Variants in PRKCE observed in about 807,000 individuals in gnomAD.
PRKCE encodes protein kinase C epsilon type.
A neutral mutation model predicts 85.4 loss-of-function variants in PRKCE; 16 were observed. The ratio of observed to expected loss-of-function variants is 0.19; its 90% CI spans 0.13 to 0.28. The LOEUF is 0.28. PRKCE is among the 10% of genes least tolerant of loss of function. The probability of loss-of-function intolerance (pLI) is 1.00; values close to 1 mark genes in which losing one functional copy is unlikely to be tolerated. For synonymous variants in PRKCE, 388 were observed against 371.5 expected, an observed-to-expected ratio of 1.04 and a Z score of -0.51; for missense variants, 573 against 975.2, an observed-to-expected ratio of 0.59 and a Z score of 5.49.
At chr2:45,900,301 G>A (rs1273524292) in intron 2 of PRKCE, among the ~76,000 whole-genome samples, 1 of 152,128 alleles carries the variant, frequency 6.6e-6, no homozygotes, top group Non-Finnish European at 1.5e-5. Flanking sequence ...CTGATCAGAT[G>A]GATATTTATA....
chr2:45,732,042 TA>T (rs1681623322), intron 1 of PRKCE, among the ~76,000 whole-genome samples: 2 of 152,182 alleles, frequency 1.3e-5, no homozygotes, highest in African/African-American at 4.8e-5. Flanking sequence ...GTCTTTCCTG[TA>T]AGTTAAACCT....
intron 1 of PRKCE, among the ~76,000 whole-genome samples, chr2:45,826,766 C>A (rs1404561758): frequency 6.6e-6 from 1 of 152,220 alleles, no homozygotes; most frequent in Non-Finnish European, 1.5e-5. Flanking sequence ...GGCCAGAAGT[C>A]TCCATGCAAT....
intron 6 of PRKCE, among the ~76,000 whole-genome samples, chr2:45,988,037 C>T (rs927105067): frequency 6.6e-6 from 1 of 152,210 alleles, no homozygotes; most frequent in South Asian, 2.1e-4. Context: ...CTCTTGCACC[C>T]ATGCAGCCTG....
At chr2:46,085,591 C>CAGA (rs1669529052) in intron 10 of PRKCE, among the ~76,000 whole-genome samples, 1 of 115,550 alleles carries the variant, frequency 8.7e-6, no homozygotes, top group African/African-American at 3.4e-5. Context: ...GCCTCTGTGG[C>CAGA]CACTTGGCCT....
At chr2:45,684,665 C>T (rs576378651) in intron 1 of PRKCE, among the ~76,000 whole-genome samples, 4 of 152,180 alleles carry the variant, frequency 2.6e-5, no homozygotes, top group African/African-American at 4.8e-5. Context: ...TGCATCTGGG[C>T]GCCTAGTCAG....
At chr2:46,066,503 G>C (rs1020512067) in intron 10 of PRKCE, among the ~76,000 whole-genome samples, 2 of 152,186 alleles carry the variant, frequency 1.3e-5, no homozygotes, top group Non-Finnish European at 2.9e-5. Flanking sequence ...AGGAATCCTA[G>C]ACTTATATTC....
intron 1 of PRKCE, among the ~76,000 whole-genome samples, chr2:45,778,444 G>C (rs748694732): frequency 3.3e-5 from 5 of 152,048 alleles, no homozygotes; most frequent in African/African-American, 1.2e-4. Flanking sequence ...ACTACTTTTC[G>C]AGTGTGAAAG....
rs945355798 is a variant in PRKCE, at chr2:45,665,422, T to C, written c.348+12974T>C. 2.6e-5 allele frequency among the ~76,000 whole-genome samples: 4 copies of C among 152,202 alleles called. No homozygotes were observed. In the South Asian group the frequency reaches 6.2e-4, roughly 24 times the overall value. ...CAGTCATCTTTTGCAGTTTGTTGAG[T>C]TGCTGTGAGGATTAAATAAGATAGA... On this transcript the variant is annotated intron_variant, in intron 1 of 14. Transcript: ENST00000306156.
In PRKCE at chr2:46,156,458, C is replaced by T. The variant is rs144080755; in HGVS notation, c.1921-3148C>T. Among the ~76,000 whole-genome samples the T allele has an allele frequency of 6.5e-3, 996 of 152,342 alleles. 5 individuals carry two copies. Among genetic ancestry groups the T allele is most frequent in the Non-Finnish European group, 9.3e-3 (636 of 68,038 alleles). Reference sequence around the variant, plus strand: ...TACTCTTCTACATGCCCCGTGAGGGCAGGGACCGTGTCTCATCACTCACCA... The same window carrying T: ...TACTCTTCTACATGCCCCGTGAGGGTAGGGACCGTGTCTCATCACTCACCA... On this transcript the variant is annotated intron_variant, in intron 13 of 14. Coordinates refer to ENST00000306156, the MANE Select transcript of PRKCE (RefSeq NM_005400.3).
At position 46,155,988 on chromosome 2, in the gene PRKCE, TAAAACTTAAAGTATATAAAA is replaced by T. The variant is rs2104557285; in HGVS notation, c.1921-3613_1921-3594del. Among the ~76,000 whole-genome samples, 2 of 124,298 alleles carry T rather than the reference TAAAACTTAAAGTATATAAAA, an allele frequency of 1.6e-5. No individual in the cohort carries two copies. The highest frequency in any genetic ancestry group is 6.5e-5 in the African/African-American group (2 of 30,744). The allele number at this position is 124,298 out of a possible 152,430, so 81.5% of individuals were successfully genotyped here. On this transcript the variant is annotated intron_variant, in intron 13 of 14. Transcript: ENST00000306156. The surrounding 1 kb of genome is among the most constrained non-coding windows in gnomAD (Gnocchi z 4.7). Reference sequence around the variant, plus strand: ...ACCTGCACAATGTGCACATGTACCCTAAAACTTAAAGTATATAAAAAAAAAAAAAACTTCATGTACAAAAA... The same window carrying T: ...ACCTGCACAATGTGCACATGTACCCTAAAAAAAAAACTTCATGTACAAAAA...
intron 2 of PRKCE, among the ~76,000 whole-genome samples, chr2:45,863,471 A>G (rs1693333317): frequency 6.6e-6 from 1 of 152,158 alleles, no homozygotes; most frequent in Non-Finnish European, 1.5e-5. Flanking sequence ...TGCAAGGGCC[A>G]GAGTGGTGCC....
intron 2 of PRKCE, among the ~76,000 whole-genome samples, chr2:45,874,872 C>T (rs563894986): frequency 6.6e-6 from 1 of 152,270 alleles, no homozygotes; most frequent in South Asian, 2.1e-4. Flanking sequence ...CCTTATTCTA[C>T]TTGCCTAGTT....
At chr2:45,871,114 C>T (rs1466388420) in intron 2 of PRKCE, among the ~76,000 whole-genome samples, 1 of 152,194 alleles carries the variant, frequency 6.6e-6, no homozygotes, top group Non-Finnish European at 1.5e-5. Context: ...CTAGTCCTTT[C>T]AGGACTGTGG....
chr2:46,032,473 C>T (rs896895830), intron 10 of PRKCE, among the ~76,000 whole-genome samples: 2 of 152,194 alleles, frequency 1.3e-5, no homozygotes, highest in Non-Finnish European at 2.9e-5. Context: ...TAATTATGGT[C>T]AGGCCACCTC....
At chr2:45,727,560 G>C in intron 1 of PRKCE, among the ~76,000 whole-genome samples, 1 of 152,320 alleles carries the variant, frequency 6.6e-6, no homozygotes, top group Middle Eastern at 3.4e-3. Flanking sequence ...CAGATGTTCT[G>C]CTGGCCATCA....
In PRKCE at chr2:45,974,350, G is replaced by A. The variant is rs115889187; in HGVS notation, c.413-2079G>A. On this transcript the variant is annotated intron_variant, in intron 2 of 14. Transcript: ENST00000306156. ...ACCCCTAGGTTGGAGCAGGGTAGGAGGTGGTGAGCTTTCTGTACCCAGAAG... is the reference window on the plus strand; with the variant it reads ...ACCCCTAGGTTGGAGCAGGGTAGGAAGTGGTGAGCTTTCTGTACCCAGAAG... 1.4e-3 allele frequency among the ~76,000 whole-genome samples: 220 copies of A among 152,306 alleles called. 1 individual carries two copies. The highest frequency in any genetic ancestry group is 4.9e-3 in the African/African-American group (205 of 41,562).
chr2:45,931,132 G>T (rs146540847), intron 2 of PRKCE, among the ~76,000 whole-genome samples: 133 of 152,330 alleles, frequency 8.7e-4, no homozygotes, highest in Non-Finnish European at 1.6e-3. Context: ...TAAGCTCTTT[G>T]TTTAAGATTG....
intron 10 of PRKCE, among the ~76,000 whole-genome samples, chr2:46,016,724 T>C (rs1032621132): frequency 3.9e-5 from 6 of 151,908 alleles, no homozygotes; most frequent in Admixed American, 3.9e-4. Context: ...GCCTGACCAA[T>C]TTGATGATAC....
intron 1 of PRKCE, among the ~76,000 whole-genome samples, chr2:45,799,022 CG>C (rs2105163580): frequency 6.6e-6 from 1 of 151,956 alleles, no homozygotes; most frequent in Admixed American, 6.6e-5. Context: ...AAAAATTAGC[CG>C]GGCATGGTGG....
Sources: gnomAD v4.1 joint callset for allele counts (sites outside exome capture counted in the v4.1 genomes callset) on GRCh38, gnomAD v4.1.1 for gene constraint, Gnocchi (gnomAD v3.1) non-coding constraint, MANE v1.5 for transcripts, NCBI Gene and HGNC (gene_info 2026-07-23, HGNC 2026-07-21) for gene names.